The following PCDHGA1 variants were observed in gnomAD, a reference collection of about 807,000 sequenced individuals.
The protein encoded by PCDHGA1 is protocadherin gamma-A1.
In PCDHGA1, 32 loss-of-function variants were observed where a neutral mutation model predicts 58.0. That is an observed-to-expected ratio of 0.55 (90% CI 0.42 to 0.74). PCDHGA1 has a LOEUF of 0.74. Among genes scored for constraint, PCDHGA1 ranks in the 30% least tolerant of loss-of-function variants. The pLI, the probability that PCDHGA1 is intolerant of heterozygous loss-of-function variation, is 0.00. For missense variants in PCDHGA1, 1,205 were observed against 1,182.3 expected, an observed-to-expected ratio of 1.02 and a Z score of -0.28; for synonymous variants, 498 against 501.1, an observed-to-expected ratio of 0.99 and a Z score of 0.08.
chr5:141,351,275 A>T, intron 1 of PCDHGA1: 4 of 1,613,966 alleles, frequency 2.5e-6, no homozygotes, highest in Non-Finnish European at 3.4e-6. Context: ...CGAGAATGAC[A>T]ATGCCCCAGA....
At chr5:141,366,632 C>G (rs1232919866) in intron 1 of PCDHGA1, 1 of 1,614,252 alleles carries the variant, frequency 6.2e-7, no homozygotes. Context: ...GAAGAGTCAC[C>G]TGATCTTTCC....
In PCDHGA1 at chr5:141,334,966, A is replaced by G. The variant is rs1052794505; in HGVS notation, c.2421+1861A>G. Among the ~76,000 whole-genome samples, 5 of 152,228 alleles carry G rather than the reference A, an allele frequency of 3.3e-5. No individual in the cohort carries two copies. The highest frequency in any genetic ancestry group is 1.2e-4 in the African/African-American group (5 of 41,460). On this transcript the variant is annotated intron_variant, in intron 1 of 3. Transcript: ENST00000517417. This position sits in a 1 kb window ranked among gnomAD's most constrained non-coding sequence, Gnocchi z 4.6. ...ACTAAAAATAAATATACAAACCAAA[A>G]TTTCAAAACACACTTGTCTCGTAGA...
rs756242684 is a variant in PCDHGA1 at position 141,341,251 on chromosome 5, T to G, written c.2421+8146T>G. On this transcript the variant is annotated intron_variant, in intron 1 of 3. Coordinates refer to ENST00000517417, the MANE Select transcript of PCDHGA1 (RefSeq NM_018912.3). Reference sequence around the variant, plus strand: ...CCTATTCCCACGAGGTCTCCCTCACTGCGGACTCGCGGAAGAGCCACCTGA... The same window carrying G: ...CCTATTCCCACGAGGTCTCCCTCACGGCGGACTCGCGGAAGAGCCACCTGA... 1.9e-6 allele frequency: 3 copies of G among 1,614,200 alleles called. No individual in the cohort carries two copies. The Admixed American group carries it at 5.0e-5, about 27-fold the overall frequency.
chr5:141,477,611 C>T lies in PCDHGA1; in HGVS notation c.2422-17196C>T. On this transcript the variant is annotated intron_variant, in intron 1 of 3. Coordinates refer to ENST00000517417, the MANE Select transcript of PCDHGA1 (RefSeq NM_018912.3). This position sits in a 1 kb window ranked among gnomAD's most constrained non-coding sequence, Gnocchi z 4.9. ...TCGGCTTTCTTTCTTTCTCTTGGAG[C>T]AAGGAGCTGAAACCGGGCTAGTGGG... is the stretch of plus-strand genomic sequence containing the variant. The T allele has an allele frequency of 6.2e-7, 1 of 1,614,188 alleles. No homozygotes were observed. The highest frequency in any genetic ancestry group is 8.5e-7 in the Non-Finnish European group (1 of 1,180,036).
Position 141,486,544 on chromosome 5 carries a change from G to C in PCDHGA1, c.2422-8263G>C, listed in dbSNP as rs1376583724. Reference sequence around the variant, plus strand: ...ATGATAATCCACCCTCTTTCTTTCAGAGGTCACATGAGGTGTTTGTTCCTG... The same window carrying C: ...ATGATAATCCACCCTCTTTCTTTCACAGGTCACATGAGGTGTTTGTTCCTG... On this transcript the variant is annotated intron_variant, in intron 1 of 3. Coordinates refer to ENST00000517417, the MANE Select transcript of PCDHGA1 (RefSeq NM_018912.3). The surrounding 1 kb of genome is among the most constrained non-coding windows in gnomAD (Gnocchi z 5.0). The C allele has an allele frequency of 6.2e-7, 1 of 1,613,964 alleles. No homozygotes were observed. The highest frequency in any genetic ancestry group is 1.3e-5 in the African/African-American group (1 of 74,932).
At chr5:141,343,760 TA>T in intron 1 of PCDHGA1, 1 of 365,198 alleles carries the variant, frequency 2.7e-6, no homozygotes, top group Non-Finnish European at 4.9e-6. Context: ...GAGGATGCAG[TA>T]AACGGTTAGG....
At chr5:141,422,302 G>A (rs749870505) in intron 1 of PCDHGA1, 2 of 1,549,012 alleles carry the variant, frequency 1.3e-6, no homozygotes, top group Admixed American at 4.3e-5. Flanking sequence ...TTCAATTCTG[G>A]AAAACTCTCC....
At chr5:141,480,956 C>G (rs2099528870) in intron 1 of PCDHGA1, among the ~76,000 whole-genome samples, 1 of 152,064 alleles carries the variant, frequency 6.6e-6, no homozygotes, top group South Asian at 2.1e-4. Flanking sequence ...GAGGCGGAAG[C>G]ATCAGTGAGG....
intron 1 of PCDHGA1, chr5:141,370,958 CA>C (rs1167381959): frequency 6.2e-7 from 1 of 1,613,874 alleles, no homozygotes. Context: ...ACCTGGATGG[CA>C]GTAGGTACCC....
intron 1 of PCDHGA1, among the ~76,000 whole-genome samples, chr5:141,359,034 G>C (rs79372563): frequency 0.023 from 3,485 of 152,348 alleles, 54 homozygotes; most frequent in South Asian, 0.038. Flanking sequence ...GGAAGTTGTA[G>C]TGATAGACTG....
At chr5:141,413,702 T>G (rs1448671585) in intron 1 of PCDHGA1, 4 of 1,613,606 alleles carry the variant, frequency 2.5e-6, no homozygotes, top group Non-Finnish European at 3.4e-6. Flanking sequence ...AGCTATCAGC[T>G]CAGCCCCAAT....
intron 1 of PCDHGA1, among the ~76,000 whole-genome samples, chr5:141,402,245 A>G (rs1196349685): frequency 6.6e-6 from 1 of 152,078 alleles, no homozygotes; most frequent in East Asian, 1.9e-4. Flanking sequence ...TTTATCATCA[A>G]AATAAACCCC....
chr5:141,425,127 A>G (rs1353123394), intron 1 of PCDHGA1, among the ~76,000 whole-genome samples: 2 of 152,208 alleles, frequency 1.3e-5, no homozygotes, highest in Non-Finnish European at 2.9e-5. Flanking sequence ...CTTGAAGTCA[A>G]GAAAAATGTT....
intron 2 of PCDHGA1, among the ~76,000 whole-genome samples, chr5:141,495,601 G>A (rs1315613802): frequency 3.3e-5 from 5 of 152,004 alleles, no homozygotes; most frequent in South Asian, 2.1e-4. Context: ...CTTAGCTTCC[G>A]TCTTGATTGC....
intron 1 of PCDHGA1, chr5:141,364,717 C>A (rs1763499272): frequency 6.2e-7 from 1 of 1,613,970 alleles, no homozygotes; most frequent in Non-Finnish European, 8.5e-7. Flanking sequence ...TTAATGATAA[C>A]TTCCCGCGTT....
intron 1 of PCDHGA1, among the ~76,000 whole-genome samples, chr5:141,436,839 A>G (rs1247924864): frequency 6.6e-6 from 1 of 152,260 alleles, no homozygotes; most frequent in African/African-American, 2.4e-5. Flanking sequence ...GTGCCTAGGC[A>G]CATTCTTGAT....
chr5:141,343,669 T>C (rs1757306275), intron 1 of PCDHGA1, among the ~76,000 whole-genome samples: 1 of 152,242 alleles, frequency 6.6e-6, no homozygotes, highest in African/African-American at 2.4e-5. Context: ...GATTCAATTA[T>C]GTTCAATCAA....
intron 1 of PCDHGA1, chr5:141,384,775 G>A: frequency 6.2e-7 from 1 of 1,613,910 alleles, no homozygotes; most frequent in Non-Finnish European, 8.5e-7. Flanking sequence ...CACGGGCGAG[G>A]TGCGCACGGC....
intron 1 of PCDHGA1, chr5:141,356,561 A>T: frequency 6.2e-7 from 1 of 1,614,016 alleles, no homozygotes; most frequent in Admixed American, 1.7e-5. Flanking sequence ...ACTTTCCCTC[A>T]TGCTTCCTAC....
Sources: allele counts gnomAD v4.1 joint callset (sites outside exome capture counted in the v4.1 genomes callset), GRCh38; gene constraint gnomAD v4.1.1; non-coding constraint Gnocchi (gnomAD v3.1); transcripts MANE v1.5; gene names NCBI Gene and HGNC (gene_info 2026-07-23, HGNC 2026-07-21).